Variants in KITLG observed in about 807,000 individuals in gnomAD.
The protein encoded by KITLG is c-Kit ligand.
A neutral mutation model predicts 34.1 loss-of-function variants in KITLG; 13 were observed. The ratio of observed to expected loss-of-function variants is 0.38; its 90% CI spans 0.25 to 0.61. The LOEUF (loss-of-function observed/expected upper bound fraction) is 0.61, where lower values mean the gene tolerates loss of function less well. Ranked by LOEUF, KITLG falls within the 20% of genes least tolerant of loss-of-function variation. The pLI is 0.60. For synonymous variants in KITLG, 110 were observed against 104.0 expected, an observed-to-expected ratio of 1.06 and a Z score of -0.35; for missense variants, 292 against 318.9, an observed-to-expected ratio of 0.92 and a Z score of 0.64.
At chr12:88,502,161 T>G (rs1423807099) in intron 9 of KITLG, among the ~76,000 whole-genome samples, 1 of 152,218 alleles carries the variant, frequency 6.6e-6, no homozygotes, top group Non-Finnish European at 1.5e-5. Flanking sequence ...ATGTTTTCAT[T>G]CATTCTGCCA....
chr12:88,504,775 A>G lies in KITLG; in HGVS notation c.*37+384T>C, dbSNP rs376200547. On this transcript the variant is annotated intron_variant, in intron 9 of 9. Coordinates refer to ENST00000644744, the MANE Select transcript of KITLG (RefSeq NM_000899.5). ...CATCCCATTACTGGGTATATACCCAAAGGATTATAAAATTATAAATCATGC... is the reference window on the plus strand; with the variant it reads ...CATCCCATTACTGGGTATATACCCAGAGGATTATAAAATTATAAATCATGC... Among the ~76,000 whole-genome samples, 11 of 152,220 alleles carry G rather than the reference A, an allele frequency of 7.2e-5. No homozygotes were observed. The East Asian group carries it at 1.5e-3, about 21-fold the overall frequency.
rs138812318 is a variant in KITLG, at chr12:88,543,434, C to A, written c.129+2318G>T. Among the ~76,000 whole-genome samples, 35 of 152,274 alleles carry A rather than the reference C, an allele frequency of 2.3e-4. No homozygotes were observed. In the East Asian group the frequency reaches 4.6e-3, roughly 20 times the overall value. Reference sequence around the variant, plus strand: ...GCTTCATCCATGTCCCTTCAAAGGACATGAACTCATCTTTTTTTATGGCTG... The same window carrying A: ...GCTTCATCCATGTCCCTTCAAAGGAAATGAACTCATCTTTTTTTATGGCTG... On this transcript the variant is annotated intron_variant, in intron 2 of 9. Coordinates refer to ENST00000644744, the MANE Select transcript of KITLG (RefSeq NM_000899.5).
chr12:88,505,343 A>G (rs570144676), intron 8 of KITLG, 108 bp from the exon 9 acceptor site: 9 of 806,566 alleles, frequency 1.1e-5, no homozygotes, highest in Middle Eastern at 2.3e-4. Flanking sequence ...ATAGTAGCAG[A>G]AGATTGCAAA....
intron 1 of KITLG, among the ~76,000 whole-genome samples, chr12:88,570,229 A>G (rs552530497): frequency 6.6e-6 from 1 of 152,310 alleles, no homozygotes; most frequent in Admixed American, 6.5e-5. Flanking sequence ...CCATAAAGTA[A>G]GACGACATCT....
At chr12:88,525,766 T>C (rs1190727829) in intron 3 of KITLG, among the ~76,000 whole-genome samples, 1 of 152,168 alleles carries the variant, frequency 6.6e-6, no homozygotes, top group Non-Finnish European at 1.5e-5. Context: ...AGGGTCCACA[T>C]AGCAGGTGCA....
intron 1 of KITLG, among the ~76,000 whole-genome samples, chr12:88,565,494 AC>A (rs1566036033): frequency 6.6e-6 from 1 of 152,050 alleles, no homozygotes; most frequent in Non-Finnish European, 1.5e-5. Flanking sequence ...GAGTGGTGGC[AC>A]GTGCCTGTAA....
chr12:88,532,546 C>G, intron 2 of KITLG, 43 bp from the exon 3 acceptor site: 1 of 1,308,890 alleles, frequency 7.6e-7, no homozygotes, highest in Non-Finnish European at 1.1e-6. Flanking sequence ...AATTCTTATA[C>G]ATCAATTAAT....
intron 3 of KITLG, among the ~76,000 whole-genome samples, chr12:88,519,291 G>A (rs1294803797): frequency 6.6e-6 from 1 of 152,148 alleles, no homozygotes; most frequent in South Asian, 2.1e-4. Context: ...AGGGACTCTT[G>A]TAACAGGAGG....
At chr12:88,569,758 G>C (rs1260367104) in intron 1 of KITLG, among the ~76,000 whole-genome samples, 1 of 152,108 alleles carries the variant, frequency 6.6e-6, no homozygotes, top group African/African-American at 2.4e-5. Context: ...TTGAGATGAT[G>C]CCAGGACTTT....
chr12:88,516,617 T>A (rs1869467777), intron 4 of KITLG, 127 bp from the exon 5 acceptor site: 14 of 613,478 alleles, frequency 2.3e-5, no homozygotes. Flanking sequence ...CACTTTTAGA[T>A]GGCTGTTTTA....
At chr12:88,570,819 C>T (rs188441410) in intron 1 of KITLG, among the ~76,000 whole-genome samples, 2 of 152,276 alleles carry the variant, frequency 1.3e-5, no homozygotes, top group East Asian at 1.9e-4. Flanking sequence ...GAATGAGATA[C>T]ACTTGTGCAG....
intron 1 of KITLG, among the ~76,000 whole-genome samples, chr12:88,559,046 C>T (rs1871202324): frequency 6.6e-6 from 1 of 152,046 alleles, no homozygotes; most frequent in African/African-American, 2.4e-5. Flanking sequence ...CCAAACACCC[C>T]CTGTTCCCCA....
chr12:88,507,153 C>G lies in KITLG; in HGVS notation c.605-16G>C, dbSNP rs756848443. The G allele has an allele frequency of 2.1e-6, 3 of 1,450,872 alleles. No individual in the cohort carries two copies. Among genetic ancestry groups the G allele is most frequent in the South Asian group, 2.3e-5 (2 of 87,836 alleles). The allele number at this position is 1,450,872 out of a possible 1,614,324, so 89.9% of individuals were successfully genotyped here. On this transcript the variant is annotated splice_polypyrimidine_tract_variant and intron_variant, in intron 6 of 9. Coordinates refer to ENST00000644744, the MANE Select transcript of KITLG (RefSeq NM_000899.5). ...TTGGCCTTCCCTATAATTTAAAGAA[C>G]ACACTGATGAATACAGCATATCCAT...
At chr12:88,513,603 TAAGA>T (rs1200018607) in intron 6 of KITLG, among the ~76,000 whole-genome samples, 1 of 151,448 alleles carries the variant, frequency 6.6e-6, no homozygotes, top group African/African-American at 2.4e-5. Context: ...ACAGTAAGCA[TAAGA>T]AAGATTTGCT....
At chr12:88,498,363 A>G (rs1566016448) in intron 9 of KITLG, among the ~76,000 whole-genome samples, 1 of 152,164 alleles carries the variant, frequency 6.6e-6, no homozygotes, top group African/African-American at 2.4e-5. Context: ...ACAACAATTT[A>G]CCAAGCAGAG....
chr12:88,573,939 C>T (rs775337888), intron 1 of KITLG, among the ~76,000 whole-genome samples: 2 of 152,172 alleles, frequency 1.3e-5, no homozygotes, highest in Non-Finnish European at 2.9e-5. Flanking sequence ...TACCTTATTG[C>T]CCCGCTCCCT....
intron 2 of KITLG, among the ~76,000 whole-genome samples, chr12:88,535,585 T>C (rs1271660140): frequency 1.3e-5 from 2 of 152,178 alleles, no homozygotes; most frequent in African/African-American, 2.4e-5. Context: ...CATTATTACG[T>C]CCTTGGTTTT....
At chr12:88,568,772 T>C (rs984108150) in intron 1 of KITLG, among the ~76,000 whole-genome samples, 1 of 151,950 alleles carries the variant, frequency 6.6e-6, no homozygotes, top group African/African-American at 2.4e-5. Context: ...TGAATCGTGA[T>C]TACAAATTAG....
intron 3 of KITLG, among the ~76,000 whole-genome samples, chr12:88,522,269 C>T (rs78155286): frequency 0.084 from 12,836 of 151,962 alleles, 567 homozygotes; most frequent in Non-Finnish European, 0.1. Context: ...TTTGAGAAAC[C>T]GGCTGAAATA....
Sources: gnomAD v4.1 joint callset for allele counts (sites outside exome capture counted in the v4.1 genomes callset) on GRCh38, gnomAD v4.1.1 for gene constraint, MANE v1.5 for transcripts, NCBI Gene and HGNC (gene_info 2026-07-23, HGNC 2026-07-21) for gene names.